ELMO1: variants seen among roughly 807,000 people sequenced by gnomAD.
The protein encoded by ELMO1 is engulfment and cell motility 1.
ELMO1 carries 26 observed loss-of-function variants against 98.9 expected under a neutral mutation model. The observed-to-expected ratio is 0.26, with a 90% CI of 0.19 to 0.36. The LOEUF (loss-of-function observed/expected upper bound fraction) is 0.36, where lower values mean the gene tolerates loss of function less well. Ranked by LOEUF, ELMO1 falls within the 10% of genes least tolerant of loss-of-function variation. ELMO1 has a pLI of 1.00. For synonymous variants in ELMO1, 346 were observed against 346.0 expected (o/e 1.00, Z 0.00); for missense variants, 627 against 935.2 (o/e 0.67, Z 4.30).
At chr7:37,305,175 C>G (rs1033796193) in intron 4 of ELMO1, among the ~76,000 whole-genome samples, 6 of 152,044 alleles carry the variant, frequency 3.9e-5, no homozygotes, top group African/African-American at 1.4e-4. Flanking sequence ...TGGATCTTAG[C>G]CTAGGGTGAA....
chr7:37,348,332 G>A (rs1801107419), intron 1 of ELMO1, among the ~76,000 whole-genome samples: 1 of 152,078 alleles, frequency 6.6e-6, no homozygotes, highest in East Asian at 1.9e-4. Context: ...GGAAGTCTAG[G>A]CAGGTGGCTA....
At chr7:37,057,289 A>AC (rs1051537327) in intron 15 of ELMO1, among the ~76,000 whole-genome samples, 2 of 152,150 alleles carry the variant, frequency 1.3e-5, no homozygotes, top group Admixed American at 6.5e-5. Context: ...GAAAAAAAAA[A>AC]CTAAGAACCA....
intron 13 of ELMO1, among the ~76,000 whole-genome samples, chr7:37,193,559 C>G (rs1791779697): frequency 1.3e-5 from 2 of 152,258 alleles, no homozygotes; most frequent in South Asian, 4.1e-4. Context: ...CCTGCAGGAG[C>G]TTAGAGGCAC....
intron 13 of ELMO1, among the ~76,000 whole-genome samples, chr7:37,148,103 A>G (rs1403220690): frequency 6.6e-6 from 1 of 152,210 alleles, no homozygotes; most frequent in Non-Finnish European, 1.5e-5. Flanking sequence ...TAACCACTAG[A>G]TGCCTTGCAA....
At chr7:37,334,445 TCAA>T (rs1316472747) in intron 2 of ELMO1, among the ~76,000 whole-genome samples, 2 of 152,056 alleles carry the variant, frequency 1.3e-5, no homozygotes, top group African/African-American at 2.4e-5. Flanking sequence ...AAACTCCATC[TCAA>T]CAACAAGAAA....
At chr7:37,092,249 C>T (rs1243228636) in intron 15 of ELMO1, among the ~76,000 whole-genome samples, 1 of 151,600 alleles carries the variant, frequency 6.6e-6, no homozygotes, top group Non-Finnish European at 1.5e-5. Context: ...AAACAAGGGA[C>T]ATTGTTCCAG....
chr7:36,954,572 T>G (rs1384856292), intron 16 of ELMO1, among the ~76,000 whole-genome samples: 2 of 152,068 alleles, frequency 1.3e-5, no homozygotes, highest in Non-Finnish European at 2.9e-5. Context: ...AGCAACTCCT[T>G]TATTTGGTGC....
At chr7:37,040,520 T>C (rs540245850) in intron 15 of ELMO1, among the ~76,000 whole-genome samples, 1 of 152,276 alleles carries the variant, frequency 6.6e-6, no homozygotes, top group East Asian at 1.9e-4. Context: ...AGCATGTGCA[T>C]GATGTGACAC....
chr7:37,402,099 T>G (rs975603660), intron 1 of ELMO1, among the ~76,000 whole-genome samples: 1 of 152,210 alleles, frequency 6.6e-6, no homozygotes, highest in African/African-American at 2.4e-5. Flanking sequence ...CAAATACATG[T>G]GTATCCTTTT....
At chr7:37,091,340 C>T (rs570155382) in intron 15 of ELMO1, among the ~76,000 whole-genome samples, 2 of 152,286 alleles carry the variant, frequency 1.3e-5, no homozygotes, top group African/African-American at 4.8e-5. Flanking sequence ...CTCCTGACCT[C>T]AGGTGATCCA....
At chr7:37,272,257 C>T (rs1018099174) in intron 4 of ELMO1, among the ~76,000 whole-genome samples, 10 of 152,168 alleles carry the variant, frequency 6.6e-5, no homozygotes, top group Admixed American at 6.5e-4. Context: ...CACTAATGTT[C>T]ACAGAAACAT....
At chr7:37,428,030 G>GGTGTGTGTGTGTGT (rs10681558) in intron 1 of ELMO1, among the ~76,000 whole-genome samples, 17 of 149,792 alleles carry the variant, frequency 1.1e-4, no homozygotes, top group African/African-American at 4.0e-4. Flanking sequence ...GTATGCTTGG[G>GGTGTGTGTGTGTGT]GTGTGTGTGT....
At chr7:37,164,626 T>G in intron 13 of ELMO1, among the ~76,000 whole-genome samples, 1 of 152,214 alleles carries the variant, frequency 6.6e-6, no homozygotes, top group South Asian at 2.1e-4. Context: ...TTTCTCAGGT[T>G]TGTCAAAGAT....
chr7:36,883,887 A>T (rs755295049), intron 18 of ELMO1, among the ~76,000 whole-genome samples: 29 of 152,204 alleles, frequency 1.9e-4, no homozygotes, highest in Non-Finnish European at 3.5e-4. Context: ...GAGTCCAGGG[A>T]ACACAGAAGC....
In ELMO1 at chr7:37,430,585, C is replaced by T. The variant is rs977747516; in HGVS notation, c.-74+18090G>A. ...GTCTTAATGCAAACAACAGAAAATGCTGTGAAATTTCTTTGCATCTCTGAG... is the reference window on the plus strand; with the variant it reads ...GTCTTAATGCAAACAACAGAAAATGTTGTGAAATTTCTTTGCATCTCTGAG... On this transcript the variant is annotated intron_variant, in intron 1 of 21. Coordinates refer to ENST00000310758, the MANE Select transcript of ELMO1 (RefSeq NM_014800.11). 5.3e-5 allele frequency among the ~76,000 whole-genome samples: 8 copies of T among 152,334 alleles called. 1 individual carries two copies. In the South Asian group the frequency reaches 1.5e-3, roughly 28 times the overall value.
chr7:37,107,946 G>C (rs1026755531), intron 14 of ELMO1, among the ~76,000 whole-genome samples: 2 of 152,120 alleles, frequency 1.3e-5, no homozygotes, highest in African/African-American at 4.8e-5. Context: ...GGTGAGGAGA[G>C]AGAACTATTT....
chr7:36,985,967 T>A (rs1562878217), intron 16 of ELMO1: 2 of 1,002,822 alleles, frequency 2.0e-6, no homozygotes, highest in Non-Finnish European at 2.4e-6. Flanking sequence ...ATACTGATTC[T>A]AAGCTGCTGC....
At chr7:37,017,771 G>A (rs1429049816) in intron 15 of ELMO1, among the ~76,000 whole-genome samples, 1 of 151,856 alleles carries the variant, frequency 6.6e-6, no homozygotes, top group African/African-American at 2.4e-5. Flanking sequence ...ACAATTTGTT[G>A]GTATGTAATT....
chr7:37,013,594 G>A, intron 15 of ELMO1, 159 bp from the exon 16 acceptor site: 1 of 792,440 alleles, frequency 1.3e-6, no homozygotes, highest in African/African-American at 1.7e-5. Context: ...CCAAAGGATG[G>A]CCCCCATACA....
Sources: allele counts gnomAD v4.1 joint callset (sites outside exome capture counted in the v4.1 genomes callset), GRCh38; gene constraint gnomAD v4.1.1; transcripts MANE v1.5; gene names NCBI Gene and HGNC (gene_info 2026-07-23, HGNC 2026-07-21).